ADGRE3: variants seen among roughly 807,000 people sequenced by gnomAD.
ADGRE3 encodes the protein EGF-like module receptor 3.
ADGRE3 carries 88 observed loss-of-function variants against 80.1 expected under a neutral mutation model. The ratio of observed to expected loss-of-function variants is 1.10; its 90% CI spans 0.93 to 1.31. The LOEUF (loss-of-function observed/expected upper bound fraction) is 1.31. ADGRE3 is among the 40% of genes most tolerant of loss of function. ADGRE3 has a pLI of 0.00. For missense variants in ADGRE3, 715 were observed against 776.5 expected (o/e 0.92, Z 0.94); for synonymous variants, 281 against 294.8 (o/e 0.95, Z 0.48).
Position 14,620,163 on chromosome 19 carries a change from T to C in ADGRE3, c.1921-692A>G, listed in dbSNP as rs891017432. Among the ~76,000 whole-genome samples, 3 of 152,054 alleles carry C rather than the reference T, an allele frequency of 2.0e-5. No individual in the cohort carries two copies. In the Admixed American group the frequency reaches 2.0e-4, roughly 10 times the overall value. ...GTTAACCCAAGGTCAAACTTGTCCATAGAGAAAGAGTTTCATTAGCTTTTT... is the reference window on the plus strand; with the variant it reads ...GTTAACCCAAGGTCAAACTTGTCCACAGAGAAAGAGTTTCATTAGCTTTTT... On this transcript the variant is annotated intron_variant, in intron 15 of 15. Transcript: ENST00000253673.
intron 7 of ADGRE3, 45 bp from the exon 8 acceptor site, chr19:14,647,410 C>CT (rs35043921): frequency 0.062 from 57,930 of 934,952 alleles, 21 homozygotes; most frequent in Non-Finnish European, 0.067. Context: ...TCTTTTCTTT[C>CT]TTTTTTTTTT....
At chr19:14,628,530 G>A in intron 14 of ADGRE3, 1 of 174,584 alleles carries the variant, frequency 5.7e-6, no homozygotes. Context: ...GTGGAGATGA[G>A]TTCTGCCTCC....
intron 11 of ADGRE3, among the ~76,000 whole-genome samples, chr19:14,635,817 A>G (rs180764567): frequency 1.7e-4 from 26 of 152,292 alleles, no homozygotes; most frequent in Admixed American, 1.5e-3. Context: ...CATCTTAAAT[A>G]GGTACAGCTT....
Position 14,638,531 on chromosome 19 carries a change from C to A in ADGRE3, c.1249-191G>T, listed in dbSNP as rs538915869. Among the ~76,000 whole-genome samples the A allele has an allele frequency of 3.3e-5, 5 of 152,102 alleles. No homozygotes were observed. The East Asian group carries it at 9.7e-4, about 29-fold the overall frequency. On this transcript the variant is annotated intron_variant, in intron 10 of 15. Coordinates refer to ENST00000253673, the MANE Select transcript of ADGRE3 (RefSeq NM_032571.5). ...TTGGGAGGCTGAGGTGGGAGGATTGCTTGAGCCCAGGAGTTTGAGACCAGC... is the reference window on the plus strand; with the variant it reads ...TTGGGAGGCTGAGGTGGGAGGATTGATTGAGCCCAGGAGTTTGAGACCAGC...
rs2075102758 is a variant in ADGRE3, at chr19:14,619,259, C to T, written c.*174G>A. 1 of 631,428 alleles carries T rather than the reference C, an allele frequency of 1.6e-6. No individual in the cohort carries two copies. Among genetic ancestry groups the T allele is most frequent in the Non-Finnish European group, 2.8e-6 (1 of 357,002 alleles). The allele number at this position is 631,428 out of a possible 1,614,324, so 39.1% of individuals were successfully genotyped here. On this transcript the variant is annotated 3_prime_UTR_variant, in exon 16 of 16. Transcript: ENST00000253673. ...CATAGTGAAGAGAAATGCAATTTAC[C>T]ACACATTTGTTGAGAGCCTATTGTG...
intron 6 of ADGRE3, among the ~76,000 whole-genome samples, chr19:14,654,714 A>C (rs933934842): frequency 6.6e-6 from 1 of 152,004 alleles, no homozygotes; most frequent in African/African-American, 2.4e-5. Flanking sequence ...GGGTGCACAC[A>C]CCTCTGAAAT....
intron 1 of ADGRE3, among the ~76,000 whole-genome samples, chr19:14,672,573 A>T (rs1466884854): frequency 6.6e-6 from 1 of 151,952 alleles, no homozygotes; most frequent in Non-Finnish European, 1.5e-5. Context: ...CTCCTTTCCC[A>T]TTTGGATGCT....
chr19:14,661,629 C>T (rs1346868933), intron 4 of ADGRE3, among the ~76,000 whole-genome samples: 7 of 152,184 alleles, frequency 4.6e-5, no homozygotes, highest in African/African-American at 1.7e-4. Flanking sequence ...ATAAAAACCA[C>T]ATCCTGGTCC....
the ADGRE3 span, among the ~76,000 whole-genome samples, chr19:14,605,479 C>G: frequency 6.6e-6 from 1 of 152,138 alleles, no homozygotes; most frequent in Non-Finnish European, 1.5e-5. Flanking sequence ...ATGCACAGAT[C>G]TTTGATGTAT....
downstream of ADGRE3, among the ~76,000 whole-genome samples, chr19:14,618,802 C>T (rs55823601): frequency 0.052 from 7,349 of 140,936 alleles, 217 homozygotes; most frequent in Admixed American, 0.069. Context: ...GTTGCACTCA[C>T]GCCGTTGCAC....
intron 1 of ADGRE3, among the ~76,000 whole-genome samples, chr19:14,673,212 C>T (rs796883555): frequency 9.8e-5 from 15 of 152,344 alleles, no homozygotes; most frequent in African/African-American, 3.6e-4. Flanking sequence ...TCAGCTGCCT[C>T]TGCAGCAGAA....
rs760169835 is a variant in ADGRE3, at chr19:14,632,951, T to C, written c.1613A>G (p.Asn538Ser). The C allele has an allele frequency of 1.9e-6, 3 of 1,613,630 alleles. No homozygotes were observed. The highest frequency in any genetic ancestry group is 2.2e-5 in the East Asian group (1 of 44,880). Residue 538 changes from asparagine to serine, a missense_variant, in exon 13 of 16, where the codon AAT becomes AGT. Asn to Ser is a conservative substitution (Grantham distance 46). Transcript: ENST00000253673. ...WILKRKLSSLNSEVSTIQNTR... is the reference protein window; with the variant it reads ...WILKRKLSSLSSEVSTIQNTR... ...GTTCTGGATGGTTGACACTTCACTA[T>C]TGAGGGAGGAAAGTTTTCTTTTCAA...
chr19:14,633,664 C>T (rs188140629), intron 11 of ADGRE3, among the ~76,000 whole-genome samples: 2,332 of 149,048 alleles, frequency 0.016, 35 homozygotes, highest in Middle Eastern at 0.045. Flanking sequence ...AAGATCGCGC[C>T]ACCGCACTCC....
At chr19:14,665,936 G>GTATATATATGTATATATATATATA (rs71166783) in intron 2 of ADGRE3, among the ~76,000 whole-genome samples, 2 of 42,098 alleles carry the variant, frequency 4.8e-5, no homozygotes, top group African/African-American at 2.3e-4. Flanking sequence ...ACACATATGT[G>GTATATATATGTATATATATATATA]TATATATATA....
intron 9 of ADGRE3, among the ~76,000 whole-genome samples, chr19:14,642,174 C>T (rs1971272444): frequency 6.6e-6 from 1 of 152,034 alleles, no homozygotes; most frequent in Admixed American, 6.6e-5. Context: ...TTAAAAATGG[C>T]TTAGATGGTA....
Position 14,630,093 on chromosome 19 carries a change from G to A in ADGRE3, c.1758C>T (p.Ile586=), listed in dbSNP as rs1284517106. The A allele has an allele frequency of 2.5e-6, 4 of 1,612,448 alleles. No homozygotes were observed. The highest frequency in any genetic ancestry group is 1.3e-5 in the African/African-American group (1 of 75,034). ...AQVMAYLFTI[I]NSLQGFFIFL... is the part of the protein sequence containing the mutation. ...AGATGAAGAAGCCTTGGAGGCTGTT[G>A]ATGATGGTGAAGAGGTAGGCCATGA... The change falls in exon 14 of 16, where the codon ATC becomes ATT. Residue 586 remains isoleucine (I), a synonymous_variant. Transcript: ENST00000253673.
Position 14,636,631 on chromosome 19 carries a change from A to G in ADGRE3, c.1484+1474T>C, listed in dbSNP as rs142961906. Among the ~76,000 whole-genome samples, 155 of 152,182 alleles carry G rather than the reference A, an allele frequency of 1.0e-3. 1 individual carries two copies. The highest frequency in any genetic ancestry group is 3.6e-3 in the African/African-American group (150 of 41,528). On this transcript the variant is annotated intron_variant, in intron 11 of 15. Transcript: ENST00000253673. Reference sequence around the variant, plus strand: ...TAATCAGAGAAGACAAAACGGGGAGAAATGAAAACAAGCCAAACTTGCAGC... The same window carrying G: ...TAATCAGAGAAGACAAAACGGGGAGGAATGAAAACAAGCCAAACTTGCAGC...
chr19:14,648,612 C>T (rs1043013008), intron 7 of ADGRE3, among the ~76,000 whole-genome samples: 1 of 152,126 alleles, frequency 6.6e-6, no homozygotes, highest in Non-Finnish European at 1.5e-5. Context: ...AGACATGAGG[C>T]ATGGATGTTG....
intron 7 of ADGRE3, among the ~76,000 whole-genome samples, chr19:14,647,986 G>A (rs139729243): frequency 2.3e-4 from 35 of 150,854 alleles, no homozygotes; most frequent in Middle Eastern, 3.5e-3. Context: ...GGAGGCTGAG[G>A]CTGGAGAATC....
Sources: gnomAD v4.1 joint callset for allele counts (sites outside exome capture counted in the v4.1 genomes callset) on GRCh38, gnomAD v4.1.1 for gene constraint, MANE v1.5 for transcripts, NCBI Gene and HGNC (gene_info 2026-07-23, HGNC 2026-07-21) for gene names.